The following PLA2G12A variants were observed in gnomAD, a reference collection of about 807,000 sequenced individuals.
PLA2G12A encodes phospholipase A2 group XIIA.
PLA2G12A carries 11 observed loss-of-function variants against 16.0 expected under a neutral mutation model. The ratio of observed to expected loss-of-function variants is 0.69; its 90% confidence interval spans 0.43 to 1.13. PLA2G12A has a LOEUF of 1.13. Among genes scored for constraint, PLA2G12A ranks in the 50% most tolerant of loss-of-function variants. The pLI is 0.00. For missense variants in PLA2G12A, 214 were observed against 237.3 expected, an observed-to-expected ratio of 0.90 and a Z score of 0.65; for synonymous variants, 77 against 93.8, an observed-to-expected ratio of 0.82 and a Z score of 1.03.
intron 3 of PLA2G12A, among the ~76,000 whole-genome samples, chr4:109,715,791 A>G (rs1190515689): frequency 6.6e-6 from 1 of 152,178 alleles, no homozygotes; most frequent in African/African-American, 2.4e-5. Context: ...AGGTTTTTAA[A>G]TTTTTTGAAG....
chr4:109,727,723 C>T (rs1044297256), intron 1 of PLA2G12A, among the ~76,000 whole-genome samples: 1 of 152,076 alleles, frequency 6.6e-6, no homozygotes, highest in Non-Finnish European at 1.5e-5. Flanking sequence ...ATTGCTTGAG[C>T]CCAGGAGTTG....
In PLA2G12A at chr4:109,718,732, T is replaced by C; in HGVS notation, c.236A>G (p.Tyr79Cys). 1.9e-6 allele frequency: 3 copies of C among 1,600,072 alleles called. No individual in the cohort carries two copies. The highest frequency in any genetic ancestry group is 2.2e-5 in the East Asian group (1 of 44,640). The change falls in exon 2 of 4, where the codon TAT (tyrosine) becomes TGT (cysteine). Residue 79 changes from tyrosine to cysteine, a missense_variant. Tyr to Cys is a radical substitution (Grantham distance 194). Coordinates refer to ENST00000243501, the MANE Select transcript of PLA2G12A (RefSeq NM_030821.5). The part of the protein sequence containing the change: ...DGSKPFPRYG[Y>C]KPSPPNGCGS... ...ACATCCATTCGGTGGGGAGGGTTTA[T>C]AACCATAACGTGGGAAAGGCTTAGA...
At chr4:109,722,683 C>A (rs1385569633) in intron 1 of PLA2G12A, among the ~76,000 whole-genome samples, 1 of 152,232 alleles carries the variant, frequency 6.6e-6, no homozygotes, top group African/African-American at 2.4e-5. Flanking sequence ...TTTGTTACAG[C>A]AGCCTGAACA....
intron 1 of PLA2G12A, among the ~76,000 whole-genome samples, chr4:109,723,667 T>C (rs991958083): frequency 2.0e-5 from 3 of 152,176 alleles, no homozygotes; most frequent in Non-Finnish European, 2.9e-5. Context: ...ATCATGAAAC[T>C]CTCTTTCGTC....
chr4:109,711,283 C>G lies in PLA2G12A; in HGVS notation c.*3094G>C, dbSNP rs941056788. On this transcript the variant is annotated 3_prime_UTR_variant, in exon 4 of 4. Coordinates refer to ENST00000243501, the MANE Select transcript of PLA2G12A (RefSeq NM_030821.5). The stretch of plus-strand genomic sequence containing the variant: ...TTCTCAACTCTGCTACAAACAGTGA[C>G]ATCCCAGTAGCAACAAGCACATCTA... 2.0e-5 allele frequency: 3 copies of G among 152,116 alleles called. No individual in the cohort carries two copies. Among genetic ancestry groups the G allele is most frequent in the Non-Finnish European group, 1.5e-5 (1 of 68,024 alleles). 9.4% of individuals were successfully genotyped at this position (152,116 alleles called of 1,614,324 possible). A position where few individuals can be genotyped will look rare whatever the true frequency, so the allele number is the denominator to read the frequency against.
chr4:109,710,365 G>A lies in PLA2G12A; in HGVS notation c.*4012C>T, dbSNP rs1029619986. Reference sequence around the variant, plus strand: ...GTGTCTTGTACTAGGATAAAATAATGAGCATTGTGCATCGCACCTTCTGAT... The same window carrying A: ...GTGTCTTGTACTAGGATAAAATAATAAGCATTGTGCATCGCACCTTCTGAT... On this transcript the variant is annotated 3_prime_UTR_variant, in exon 4 of 4. Transcript: ENST00000243501. The A allele has an allele frequency of 9.9e-5, 15 of 152,208 alleles. No individual in the cohort carries two copies. Among genetic ancestry groups the A allele is most frequent in the African/African-American group, 3.1e-4 (13 of 41,458 alleles). The allele number at this position is 152,208 out of a possible 1,614,324, so 9.4% of individuals were successfully genotyped here.
At position 109,711,316 on chromosome 4, in the gene PLA2G12A, G is replaced by C. The variant is rs1730724538; in HGVS notation, c.*3061C>G. The C allele has an allele frequency of 6.6e-6, 1 of 152,160 alleles. No individual in the cohort carries two copies. Among genetic ancestry groups the C allele is most frequent in the South Asian group, 2.1e-4 (1 of 4,834 alleles). 9.4% of individuals were successfully genotyped at this position (152,160 alleles called of 1,614,324 possible). On this transcript the variant is annotated 3_prime_UTR_variant, in exon 4 of 4. Coordinates refer to ENST00000243501, the MANE Select transcript of PLA2G12A (RefSeq NM_030821.5). ...TAGCAACAAGCACATCTAATGCCCA[G>C]ATCTTGGTTTCTAAGTATGATTCTC...
Position 109,714,231 on chromosome 4 carries a change from G to T in PLA2G12A, c.*146C>A, listed in dbSNP as rs942472135. ...ATCTCCCTCACTTTTTTTGCTTTGAGGTTTTAACATCAAGATATAAATTAT... is the reference window on the plus strand; with the variant it reads ...ATCTCCCTCACTTTTTTTGCTTTGATGTTTTAACATCAAGATATAAATTAT... On this transcript the variant is annotated 3_prime_UTR_variant, in exon 4 of 4. Coordinates refer to ENST00000243501, the MANE Select transcript of PLA2G12A (RefSeq NM_030821.5). The T allele has an allele frequency of 1.4e-6, 1 of 695,712 alleles. No individual in the cohort carries two copies. The highest frequency in any genetic ancestry group is 2.5e-6 in the Non-Finnish European group (1 of 400,756). 43.1% of individuals were successfully genotyped at this position (695,712 alleles called of 1,614,324 possible).
At chr4:109,716,997 G>A (rs1730838656) in intron 3 of PLA2G12A, among the ~76,000 whole-genome samples, 1 of 152,168 alleles carries the variant, frequency 6.6e-6, no homozygotes, top group Admixed American at 6.5e-5. Flanking sequence ...AATGTGATTA[G>A]TGCTCTTATA....
chr4:109,726,530 T>TG (rs1337588664), intron 1 of PLA2G12A, among the ~76,000 whole-genome samples: 1 of 152,192 alleles, frequency 6.6e-6, no homozygotes, highest in Non-Finnish European at 1.5e-5. Context: ...GACTCCTGCA[T>TG]GCGTCACCCT....
intron 1 of PLA2G12A, among the ~76,000 whole-genome samples, chr4:109,727,899 T>C (rs1256397121): frequency 6.6e-6 from 1 of 152,270 alleles, no homozygotes; most frequent in Non-Finnish European, 1.5e-5. Flanking sequence ...AAATAAACTC[T>C]AGAACCCTAG....
chr4:109,729,756 A>C lies in PLA2G12A; in HGVS notation c.54T>G (p.Ala18=). Residue 18 remains alanine, a synonymous_variant, in exon 1 of 4, where the codon GCT becomes GCG. Coordinates refer to ENST00000243501, the MANE Select transcript of PLA2G12A (RefSeq NM_030821.5). The part of the protein sequence containing the change: ...ALTLLLLLMA[A]VVRCQEQAQT... ...GGGCCTGCTCCTGGCACCTGACAACAGCGGCCATGAGGAGGAGCAGGAGGG... is the reference window on the plus strand; with the variant it reads ...GGGCCTGCTCCTGGCACCTGACAACCGCGGCCATGAGGAGGAGCAGGAGGG... The C allele has an allele frequency of 6.3e-7, 1 of 1,580,712 alleles. No individual in the cohort carries two copies. Among genetic ancestry groups the C allele is most frequent in the Non-Finnish European group, 8.6e-7 (1 of 1,164,226 alleles).
At chr4:109,726,886 CA>C (rs1722950915) in intron 1 of PLA2G12A, among the ~76,000 whole-genome samples, 1 of 151,492 alleles carries the variant, frequency 6.6e-6, no homozygotes, top group Non-Finnish European at 1.5e-5. Flanking sequence ...AAAGCAAGGA[CA>C]TGTGCCCTTT....
Position 109,730,049 on chromosome 4 carries a change from G to A in PLA2G12A, c.-240C>T. On this transcript the variant is annotated 5_prime_UTR_variant, in exon 1 of 4. Transcript: ENST00000243501. ...CTGGACCAGCGCGCCCGCTCACCTGGGCCAGCAACCGTCCCCTGTGCGCCT... is the reference window on the plus strand; with the variant it reads ...CTGGACCAGCGCGCCCGCTCACCTGAGCCAGCAACCGTCCCCTGTGCGCCT... 1 of 446,934 alleles carries A rather than the reference G, an allele frequency of 2.2e-6. No homozygotes were observed. Among genetic ancestry groups the A allele is most frequent in the Non-Finnish European group, 3.9e-6 (1 of 254,638 alleles). 27.7% of individuals were successfully genotyped at this position (446,934 alleles called of 1,614,324 possible).
chr4:109,720,605 ATATATATATATATAT>A (rs1479627602), intron 1 of PLA2G12A, among the ~76,000 whole-genome samples: 9 of 10,012 alleles, frequency 9.0e-4, no homozygotes, highest in African/African-American at 3.9e-3. Flanking sequence ...AAAAAAAAAA[ATATATATATATATAT>A]ATATATATAT....
rs764498528 is a variant in PLA2G12A, at chr4:109,729,723, G to T, written c.87C>A (p.Thr29=). The change falls in exon 1 of 4, where the codon ACC becomes ACA. Residue 29 remains threonine (T), a synonymous_variant. Coordinates refer to ENST00000243501, the MANE Select transcript of PLA2G12A (RefSeq NM_030821.5). The part of the protein sequence containing the change: ...VVRCQEQAQT[T]DWRATLKTIR... ...TGGTCTTCAGGGTGGCTCTCCAGTC[G>T]GTGGTCTGGGCCTGCTCCTGGCACC... 31 of 1,605,146 alleles carry T rather than the reference G, an allele frequency of 1.9e-5. No individual in the cohort carries two copies. Among genetic ancestry groups the T allele is most frequent in the Non-Finnish European group, 2.2e-5 (26 of 1,176,880 alleles).
At chr4:109,717,807 T>A in intron 2 of PLA2G12A, 94 bp from the exon 3 acceptor site, 1 of 1,222,898 alleles carries the variant, frequency 8.2e-7, no homozygotes, top group South Asian at 1.4e-5. Context: ...TAAATGATAA[T>A]GACTGCTGTA....
chr4:109,728,037 A>G (rs897011513), intron 1 of PLA2G12A, among the ~76,000 whole-genome samples: 5 of 152,220 alleles, frequency 3.3e-5, no homozygotes, highest in African/African-American at 1.2e-4. Flanking sequence ...CCTCAGGTCC[A>G]TTGCACTTGC....
rs190362320 is a variant in PLA2G12A at position 109,713,955 on chromosome 4, C to A, written c.*422G>T. ...TGTGTATTTAAAATTTCATAGTAAA[C>A]AAATACTTGTAAGTGATAATTTCCC... On this transcript the variant is annotated 3_prime_UTR_variant, in exon 4 of 4. Coordinates refer to ENST00000243501, the MANE Select transcript of PLA2G12A (RefSeq NM_030821.5). 2.0e-3 allele frequency: 323 copies of A among 159,370 alleles called. No homozygotes were observed. The highest frequency in any genetic ancestry group is 7.4e-3 in the African/African-American group (309 of 41,658). 9.9% of individuals were successfully genotyped at this position (159,370 alleles called of 1,614,324 possible).
Sources: allele counts gnomAD v4.1 joint callset (sites outside exome capture counted in the v4.1 genomes callset), GRCh38; gene constraint gnomAD v4.1.1; transcripts MANE v1.5; gene names NCBI Gene and HGNC (gene_info 2026-07-23, HGNC 2026-07-21).